The following EYS variants were observed in gnomAD, a reference collection of about 807,000 sequenced individuals.
The protein encoded by EYS is protein eyes shut homolog.
Under a neutral mutation model 282.1 loss-of-function variants are expected in EYS, and 250 were observed. The observed-to-expected ratio is 0.89, with a 90% CI of 0.80 to 0.98. EYS has a LOEUF of 0.98. Among genes scored for constraint, EYS ranks in the 50% least tolerant of loss-of-function variants. The pLI is 0.00. For missense variants in EYS, 4,016 were observed against 3,709.0 expected, an observed-to-expected ratio of 1.08 and a Z score of -2.15; for synonymous variants, 1,355 against 1,282.9, an observed-to-expected ratio of 1.06 and a Z score of -1.20.
rs190176594 is a variant in EYS, at chr6:65,057,586, C to G, written c.2137+28G>C. ...TGCTTTTTAAAGTTAATTATGTTTG[C>G]TTTTCCTTATCCCTTGGTGTTCATT... On this transcript the variant is annotated intron_variant, in intron 13 of 42. Transcript: ENST00000503581. 1.9e-5 allele frequency: 25 copies of G among 1,344,624 alleles called. No individual in the cohort carries two copies. The East Asian group carries it at 2.0e-4, about 11-fold the overall frequency. 83.3% of individuals were successfully genotyped at this position (1,344,624 alleles called of 1,614,324 possible). A position where few individuals can be genotyped will look rare whatever the true frequency, so the allele number is the denominator to read the frequency against.
intron 5 of EYS, 109 bp downstream of exon 5, chr6:65,490,485 T>G: frequency 1.4e-6 from 1 of 730,866 alleles, no homozygotes; most frequent in South Asian, 1.6e-5. Context: ...ATATACCTTC[T>G]GAAATTGTAT....
intron 35 of EYS, among the ~76,000 whole-genome samples, chr6:63,932,875 C>G (rs998243178): frequency 6.6e-6 from 1 of 152,218 alleles, no homozygotes; most frequent in Admixed American, 6.5e-5. Context: ...TAAGACTTCT[C>G]CCCACTTCAG....
chr6:63,891,142 C>T (rs1002997518), intron 35 of EYS, among the ~76,000 whole-genome samples: 4 of 152,142 alleles, frequency 2.6e-5, no homozygotes, highest in Non-Finnish European at 4.4e-5. Flanking sequence ...AATTCACGGC[C>T]GAATTCTACC....
rs1765956994 is a variant in EYS, at chr6:64,853,655, G to GT, written c.2993-30834dup. 2.0e-5 allele frequency among the ~76,000 whole-genome samples: 3 copies of GT among 152,196 alleles called. No individual in the cohort carries two copies. The South Asian group carries it at 6.2e-4, about 32-fold the overall frequency. ...TTGGTAACGCCGTTGTTAATATAAA[G>GT]TAGAAACCTAGGCAATACCATTCAG... On this transcript the variant is annotated intron_variant, in intron 19 of 42. Transcript: ENST00000503581.
chr6:64,899,735 CA>C (rs957916625), intron 18 of EYS, among the ~76,000 whole-genome samples: 2 of 151,818 alleles, frequency 1.3e-5, no homozygotes, highest in African/African-American at 2.4e-5. Flanking sequence ...AGAAAGGACA[CA>C]AAAAAATGAA....
chr6:65,407,462 G>T (rs1038043903), intron 5 of EYS, among the ~76,000 whole-genome samples: 1 of 151,864 alleles, frequency 6.6e-6, no homozygotes, highest in Non-Finnish European at 1.5e-5. Context: ...CATTATGTTG[G>T]CCAGGCTGGT....
At chr6:65,065,403 G>A (rs1357570470) in intron 12 of EYS, among the ~76,000 whole-genome samples, 2 of 144,766 alleles carry the variant, frequency 1.4e-5, no homozygotes, top group African/African-American at 5.1e-5. Context: ...TTTTTTTTGA[G>A]ATGGAGTATC....
rs1295308918 is a variant in EYS at position 65,520,585 on chromosome 6, A to C, written c.-332-24592T>G. Among the ~76,000 whole-genome samples, 4 of 151,934 alleles carry C rather than the reference A, an allele frequency of 2.6e-5. No homozygotes were observed. In the East Asian group the frequency reaches 7.7e-4, roughly 29 times the overall value. On this transcript the variant is annotated intron_variant, in intron 2 of 42. Transcript: ENST00000503581. ...ACAATTATATATACACATATGTATC[A>C]TTTATGTAACAGTCTATTCCTGATA... is the stretch of plus-strand genomic sequence containing the variant.
intron 33 of EYS, among the ~76,000 whole-genome samples, chr6:64,010,513 GT>G (rs1301031568): frequency 6.6e-6 from 1 of 152,032 alleles, no homozygotes; most frequent in East Asian, 1.9e-4. Flanking sequence ...ATACTTTAGA[GT>G]TTTTTCAGGC....
chr6:63,973,653 C>T (rs1483783358), intron 35 of EYS, among the ~76,000 whole-genome samples: 2 of 152,068 alleles, frequency 1.3e-5, no homozygotes, highest in African/African-American at 4.8e-5. Context: ...AACAATGCAA[C>T]TATGCATATC....
intron 11 of EYS, among the ~76,000 whole-genome samples, chr6:65,313,622 C>G (rs1284627218): frequency 6.6e-6 from 1 of 151,732 alleles, no homozygotes; most frequent in Non-Finnish European, 1.5e-5. Context: ...ACCTAAATAA[C>G]AGTCTACCTA....
intron 35 of EYS, among the ~76,000 whole-genome samples, chr6:63,980,993 G>A (rs1403288580): frequency 2.0e-5 from 3 of 151,808 alleles, no homozygotes; most frequent in African/African-American, 4.8e-5. Context: ...GTAGCACAGG[G>A]TTTCTCTAAA....
chr6:64,595,880 G>T (rs1766570355), intron 24 of EYS, among the ~76,000 whole-genome samples: 1 of 152,122 alleles, frequency 6.6e-6, no homozygotes, highest in Non-Finnish European at 1.5e-5. Context: ...TTGCTATAAA[G>T]AAATATCTGA....
intron 35 of EYS, among the ~76,000 whole-genome samples, chr6:63,946,222 C>T (rs1013546253): frequency 2.0e-5 from 3 of 152,208 alleles, no homozygotes; most frequent in African/African-American, 7.2e-5. Context: ...TATGCAGATG[C>T]TGTGCACACA....
intron 14 of EYS, among the ~76,000 whole-genome samples, chr6:64,993,829 TCA>T (rs1315312415): frequency 6.6e-6 from 1 of 151,032 alleles, no homozygotes; most frequent in Non-Finnish European, 1.5e-5. Flanking sequence ...ACATATAAAT[TCA>T]GTTTGTTTTT....
chr6:65,006,098 C>T (rs745728682), intron 13 of EYS, among the ~76,000 whole-genome samples: 1 of 152,048 alleles, frequency 6.6e-6, no homozygotes, highest in African/African-American at 2.4e-5. Flanking sequence ...CCTGTTATCC[C>T]TCCTGATTTA....
intron 14 of EYS, among the ~76,000 whole-genome samples, chr6:64,978,791 T>C (rs1770557585): frequency 1.3e-5 from 2 of 151,914 alleles, no homozygotes; most frequent in Non-Finnish European, 2.9e-5. Context: ...ATTCAATACT[T>C]CAGTGGAGGA....
intron 29 of EYS, among the ~76,000 whole-genome samples, chr6:64,307,620 A>G (rs980008483): frequency 1.3e-5 from 2 of 152,094 alleles, no homozygotes; most frequent in Non-Finnish European, 2.9e-5. Flanking sequence ...TTTAGAATAA[A>G]CAAATCTACA....
chr6:64,253,925 A>G (rs1260378444), intron 30 of EYS, among the ~76,000 whole-genome samples: 1 of 152,038 alleles, frequency 6.6e-6, no homozygotes, highest in Admixed American at 6.6e-5. Flanking sequence ...TGAAGTTGTG[A>G]TCTGCTTAGT....
Sources: allele counts gnomAD v4.1 joint callset (sites outside exome capture counted in the v4.1 genomes callset), GRCh38; gene constraint gnomAD v4.1.1; transcripts MANE v1.5; gene names NCBI Gene and HGNC (gene_info 2026-07-23, HGNC 2026-07-21).